The following PSD3 variants were observed in gnomAD, a reference collection of about 807,000 sequenced individuals.
PSD3 encodes pleckstrin and Sec7 domain containing 3.
A neutral mutation model predicts 105.5 loss-of-function variants in PSD3; 49 were observed. That is an observed-to-expected ratio of 0.46 (90% CI 0.37 to 0.59). PSD3 has a LOEUF of 0.59. PSD3 is among the 20% of genes least tolerant of loss of function. PSD3 has a pLI of 0.00. For synonymous variants in PSD3, 557 were observed against 457.8 expected (o/e 1.22, Z -2.77); for missense variants, 1,561 against 1,263.8 (o/e 1.24, Z -3.57).
intron 12 of PSD3, among the ~76,000 whole-genome samples, chr8:18,586,103 C>T (rs1475107122): frequency 3.3e-5 from 5 of 152,144 alleles, no homozygotes; most frequent in Admixed American, 2.6e-4. Context: ...AGGCATGCAA[C>T]ATATGGGAGC....
chr8:18,619,410 C>T (rs1172127920), intron 11 of PSD3, among the ~76,000 whole-genome samples: 2 of 152,014 alleles, frequency 1.3e-5, no homozygotes, highest in Non-Finnish European at 2.9e-5. Context: ...TTTGGGAGGC[C>T]GAGGCAAGTG....
intron 11 of PSD3, among the ~76,000 whole-genome samples, chr8:18,605,113 G>T (rs918336904): frequency 6.6e-6 from 1 of 152,142 alleles, no homozygotes; most frequent in Non-Finnish European, 1.5e-5. Flanking sequence ...TTGTCCTCCA[G>T]ACCTCAGAAT....
At chr8:19,013,715 G>T, upstream of PSD3, 2 of 761,718 alleles carry the variant, frequency 2.6e-6, no homozygotes, top group African/African-American at 1.9e-5. Context: ...AGAGGCGGCG[G>T]CCCGCGCGCA....
chr8:18,890,276 T>C (rs537256973), intron 2 of PSD3, among the ~76,000 whole-genome samples: 2 of 152,306 alleles, frequency 1.3e-5, no homozygotes, highest in Admixed American at 1.3e-4. Flanking sequence ...ACTTTTTCAG[T>C]CTGGTTCTTA....
intron 1 of PSD3, among the ~76,000 whole-genome samples, chr8:19,004,334 T>C (rs1284994740): frequency 1.3e-5 from 2 of 151,998 alleles, no homozygotes; most frequent in African/African-American, 4.8e-5. Context: ...CAACCAGATA[T>C]TTAAAAAACA....
intron 9 of PSD3, among the ~76,000 whole-genome samples, chr8:18,730,629 A>T (rs1204922282): frequency 6.6e-6 from 1 of 152,230 alleles, no homozygotes; most frequent in Non-Finnish European, 1.5e-5. Context: ...TGTGCCAGAT[A>T]CTGTACGCTA....
intron 4 of PSD3, among the ~76,000 whole-genome samples, chr8:18,819,275 AAGAC>A: frequency 6.6e-6 from 1 of 152,274 alleles, no homozygotes; most frequent in South Asian, 2.1e-4. Context: ...GAAACTAAAA[AAGAC>A]AGAGTCTAAA....
intron 1 of PSD3, among the ~76,000 whole-genome samples, chr8:19,040,426 G>C (rs943101603): frequency 1.3e-5 from 2 of 152,004 alleles, no homozygotes; most frequent in African/African-American, 4.8e-5. Context: ...GGCTGGTCTC[G>C]AACTCCTGCG....
intron 4 of PSD3, among the ~76,000 whole-genome samples, chr8:18,824,752 A>G (rs565359864): frequency 6.6e-6 from 1 of 152,286 alleles, no homozygotes; most frequent in Admixed American, 6.5e-5. Context: ...TGGCTTTGTC[A>G]ACACCTGACT....
intron 4 of PSD3, among the ~76,000 whole-genome samples, chr8:18,859,861 T>C (rs1816306297): frequency 6.6e-6 from 1 of 152,228 alleles, no homozygotes; most frequent in African/African-American, 2.4e-5. Context: ...AAACTTTCTC[T>C]ATATCAGAAA....
At chr8:18,800,329 C>T (rs931413555) in intron 7 of PSD3, among the ~76,000 whole-genome samples, 14 of 152,110 alleles carry the variant, frequency 9.2e-5, no homozygotes, top group African/African-American at 2.9e-4. Context: ...ATCAGTTTAC[C>T]GATAGGAATG....
intron 2 of PSD3, among the ~76,000 whole-genome samples, chr8:18,889,255 T>C (rs368938156): frequency 2.0e-5 from 3 of 152,282 alleles, no homozygotes; most frequent in East Asian, 3.9e-4. Flanking sequence ...CTCAATTGTT[T>C]TGTTTTGTTT....
At chr8:18,711,115 C>A (rs1371875726) in intron 9 of PSD3, among the ~76,000 whole-genome samples, 1 of 152,150 alleles carries the variant, frequency 6.6e-6, no homozygotes, top group South Asian at 2.1e-4. Context: ...ACCAGACCTG[C>A]CTTGCAAGAA....
intron 14 of PSD3, among the ~76,000 whole-genome samples, chr8:18,563,340 T>C (rs943313019): frequency 1.3e-5 from 2 of 151,314 alleles, no homozygotes; most frequent in East Asian, 1.9e-4. Flanking sequence ...GCTGAACAAA[T>C]AGATTTTTTT....
At chr8:18,739,091 G>A (rs191647329) in intron 9 of PSD3, among the ~76,000 whole-genome samples, 100 of 152,148 alleles carry the variant, frequency 6.6e-4, no homozygotes, top group Middle Eastern at 6.8e-3. Flanking sequence ...AAATCATTTT[G>A]GAAGGCACAT....
intron 8 of PSD3, among the ~76,000 whole-genome samples, chr8:18,791,563 T>C (rs1809721894): frequency 6.6e-6 from 1 of 152,138 alleles, no homozygotes; most frequent in Admixed American, 6.5e-5. Context: ...CCTTACACCA[T>C]ATACAAAAAT....
intron 4 of PSD3, among the ~76,000 whole-genome samples, chr8:18,852,560 C>A (rs562473471): frequency 6.6e-6 from 1 of 152,328 alleles, no homozygotes; most frequent in Non-Finnish European, 1.5e-5. Flanking sequence ...CATGAGCACA[C>A]AGATGTTTTC....
At chr8:18,649,189 T>G (rs1808285522) in intron 10 of PSD3, among the ~76,000 whole-genome samples, 2 of 152,062 alleles carry the variant, frequency 1.3e-5, no homozygotes, top group Admixed American at 1.3e-4. Context: ...ACCCTGCACC[T>G]GGAAAAGCCA....
intron 10 of PSD3, among the ~76,000 whole-genome samples, chr8:18,635,174 T>A (rs773561401): frequency 7.9e-5 from 12 of 152,182 alleles, no homozygotes; most frequent in Non-Finnish European, 1.6e-4. Context: ...ACATGCCTCA[T>A]CTTCTAAAGG....
Sources: gnomAD v4.1 joint callset for allele counts (sites outside exome capture counted in the v4.1 genomes callset) on GRCh38, gnomAD v4.1.1 for gene constraint, MANE v1.5 for transcripts, NCBI Gene and HGNC (gene_info 2026-07-23, HGNC 2026-07-21) for gene names.